The following TSHZ2 variants were observed in gnomAD, a reference collection of about 807,000 sequenced individuals.
TSHZ2 encodes the protein teashirt homolog 2.
A neutral mutation model predicts 74.4 loss-of-function variants in TSHZ2; 21 were observed. That is an observed-to-expected ratio of 0.28 (90% CI 0.20 to 0.41). The LOEUF is 0.41. Ranked by LOEUF, TSHZ2 falls within the 10% of genes least tolerant of loss-of-function variation. The pLI, the probability that TSHZ2 is intolerant of heterozygous loss-of-function variation, is 1.00. For missense variants in TSHZ2, 1,244 were observed against 1,293.5 expected (o/e 0.96, Z 0.59); for synonymous variants, 540 against 515.3 (o/e 1.05, Z -0.65).
At chr20:53,067,052 G>A (rs187503794) in intron 1 of TSHZ2, among the ~76,000 whole-genome samples, 5 of 152,338 alleles carry the variant, frequency 3.3e-5, no homozygotes, top group African/African-American at 7.2e-5. Context: ...GGAGTTGAGC[G>A]TGCATAGTAG....
At chr20:53,171,951 G>T (rs751338780) in intron 1 of TSHZ2, among the ~76,000 whole-genome samples, 3 of 152,072 alleles carry the variant, frequency 2.0e-5, no homozygotes, top group Non-Finnish European at 4.4e-5. Flanking sequence ...AAGTCATCCT[G>T]CCTCATATGA....
chr20:53,130,243 TAGAA>T (rs200242353), intron 1 of TSHZ2, among the ~76,000 whole-genome samples: 13,542 of 145,046 alleles, frequency 0.093, 848 homozygotes, highest in East Asian at 0.2. Context: ...AAAAAAAAAA[TAGAA>T]AGAAAAGAAA....
chr20:53,044,810 C>T lies in TSHZ2; in HGVS notation c.40+71477C>T, dbSNP rs368519651. ...CTGCAGCCCTGAACTCCTGGGTTCA[C>T]GGGATCCTCCTACCTCAGCCTCCTG... On this transcript the variant is annotated intron_variant, in intron 1 of 2. Transcript: ENST00000371497. Among the ~76,000 whole-genome samples, 11 of 152,182 alleles carry T rather than the reference C, an allele frequency of 7.2e-5. No homozygotes were observed. In the South Asian group the frequency reaches 1.5e-3, roughly 20 times the overall value.
chr20:53,266,322 G>A (rs1403758260), intron 2 of TSHZ2, among the ~76,000 whole-genome samples: 1 of 152,118 alleles, frequency 6.6e-6, no homozygotes. Context: ...GAAACAAGAA[G>A]TTCAATTTGA....
intron 2 of TSHZ2, among the ~76,000 whole-genome samples, chr20:53,262,197 T>C (rs1990615306): frequency 6.6e-6 from 1 of 150,826 alleles, no homozygotes; most frequent in Admixed American, 6.6e-5. Flanking sequence ...GATAAACAGT[T>C]TTCCTTGCAT....
intron 1 of TSHZ2, among the ~76,000 whole-genome samples, chr20:53,054,455 A>C (rs1984575012): frequency 6.6e-6 from 1 of 152,220 alleles, no homozygotes; most frequent in African/African-American, 2.4e-5. Context: ...TTGTGCTATG[A>C]ATCTTTTAAG....
At chr20:53,380,981 T>G (rs1600593712) in intron 2 of TSHZ2, among the ~76,000 whole-genome samples, 1 of 152,172 alleles carries the variant, frequency 6.6e-6, no homozygotes, top group African/African-American at 2.4e-5. Flanking sequence ...GTATTGTGAG[T>G]CCATCCTATG....
At chr20:53,317,662 T>G (rs1376928159) in intron 2 of TSHZ2, among the ~76,000 whole-genome samples, 1 of 152,192 alleles carries the variant, frequency 6.6e-6, no homozygotes, top group Admixed American at 6.5e-5. Flanking sequence ...TTCTGCAGCA[T>G]GCATGGATTT....
intron 1 of TSHZ2, among the ~76,000 whole-genome samples, chr20:53,170,266 T>C (rs982471382): frequency 3.9e-5 from 6 of 152,218 alleles, no homozygotes; most frequent in Admixed American, 1.3e-4. Flanking sequence ...TCCTCATAAA[T>C]AAGCAAATGA....
chr20:53,333,898 G>A (rs1979834414), intron 2 of TSHZ2, among the ~76,000 whole-genome samples: 1 of 152,160 alleles, frequency 6.6e-6, no homozygotes, highest in Admixed American at 6.5e-5. Flanking sequence ...GCATCTCAAG[G>A]GCCAGATCAC....
At chr20:53,334,364 A>G (rs533673876) in intron 2 of TSHZ2, among the ~76,000 whole-genome samples, 41 of 152,268 alleles carry the variant, frequency 2.7e-4, no homozygotes, top group Non-Finnish European at 5.0e-4. Flanking sequence ...TGAAAGTGAA[A>G]GCCACACAGA....
At chr20:53,037,853 T>C (rs1490832968) in intron 1 of TSHZ2, among the ~76,000 whole-genome samples, 1 of 152,052 alleles carries the variant, frequency 6.6e-6, no homozygotes. Context: ...CCACCCTCTC[T>C]CCACACCCAA....
intron 2 of TSHZ2, among the ~76,000 whole-genome samples, chr20:53,284,365 T>C (rs901375246): frequency 2.6e-5 from 4 of 152,230 alleles, no homozygotes; most frequent in Non-Finnish European, 4.4e-5. Context: ...CACATAAATA[T>C]GCTGGCATAG....
chr20:53,409,885 C>T (rs1170768286), intron 2 of TSHZ2, among the ~76,000 whole-genome samples: 5 of 130,026 alleles, frequency 3.8e-5, no homozygotes, highest in African/African-American at 5.6e-5. Context: ...CTTGTTCCGT[C>T]GCCCAGACTG....
intron 2 of TSHZ2, among the ~76,000 whole-genome samples, chr20:53,473,496 A>C (rs1453289472): frequency 1.4e-5 from 2 of 138,688 alleles, no homozygotes; most frequent in East Asian, 4.6e-4. Flanking sequence ...CCACACCAAA[A>C]ACCCATCTGT....
chr20:53,023,624 T>G (rs1173225543), intron 1 of TSHZ2, among the ~76,000 whole-genome samples: 4 of 82,356 alleles, frequency 4.9e-5, no homozygotes, highest in Admixed American at 4.1e-4. Flanking sequence ...TTTTTGTTTT[T>G]TTTTTTGCTT....
chr20:53,150,307 A>G (rs962962211), intron 1 of TSHZ2, among the ~76,000 whole-genome samples: 10 of 152,206 alleles, frequency 6.6e-5, no homozygotes, highest in African/African-American at 2.4e-4. Flanking sequence ...TAACTTCCAG[A>G]TTGCAAATCT....
chr20:53,300,426 G>C (rs570185435), intron 2 of TSHZ2, among the ~76,000 whole-genome samples: 20 of 152,088 alleles, frequency 1.3e-4, no homozygotes, highest in Non-Finnish European at 2.6e-4. Flanking sequence ...AATGGTAGTT[G>C]CTCAAACTTC....
intron 1 of TSHZ2, among the ~76,000 whole-genome samples, chr20:53,249,486 G>A (rs965444439): frequency 3.3e-5 from 5 of 152,184 alleles, no homozygotes; most frequent in Non-Finnish European, 7.3e-5. Flanking sequence ...GTGCTCCAGG[G>A]ATTTCAGGCA....
Sources: allele counts gnomAD v4.1 joint callset (sites outside exome capture counted in the v4.1 genomes callset), GRCh38; gene constraint gnomAD v4.1.1; transcripts MANE v1.5; gene names NCBI Gene and HGNC (gene_info 2026-07-23, HGNC 2026-07-21).